The following PPP3CC variants were observed in gnomAD, a reference collection of about 807,000 sequenced individuals.
PPP3CC encodes the protein protein phosphatase 3 catalytic subunit gamma, also known as serine/threonine-protein phosphatase 2B catalytic subunit gamma isoform.
A neutral mutation model predicts 60.3 loss-of-function variants in PPP3CC; 35 were observed. The observed-to-expected ratio is 0.58, with a 90% CI of 0.44 to 0.77. PPP3CC has a LOEUF of 0.77. Ranked by LOEUF, PPP3CC falls within the 30% of genes least tolerant of loss-of-function variation. PPP3CC has a pLI of 0.00. For synonymous variants in PPP3CC, 206 were observed against 224.3 expected, an observed-to-expected ratio of 0.92 and a Z score of 0.73; for missense variants, 570 against 628.9, an observed-to-expected ratio of 0.91 and a Z score of 1.00.
At chr8:22,460,841 T>C (rs1181812554) in intron 1 of PPP3CC, among the ~76,000 whole-genome samples, 2 of 151,986 alleles carry the variant, frequency 1.3e-5, no homozygotes, top group Non-Finnish European at 2.9e-5. Context: ...AAAGAAAATC[T>C]TTACTTTATT....
Position 22,530,516 on chromosome 8 carries a change from T to C in PPP3CC, c.1142-1709T>C, listed in dbSNP as rs967095292. Among the ~76,000 whole-genome samples the C allele has an allele frequency of 1.6e-4, 19 of 120,206 alleles. No individual in the cohort carries two copies. In the South Asian group the frequency reaches 5.1e-3, roughly 33 times the overall value. 78.9% of individuals were successfully genotyped at this position (120,206 alleles called of 152,430 possible). A position where few individuals can be genotyped will look rare whatever the true frequency, so the allele number is the denominator to read the frequency against. ...TTCCCACCACAAACATAAAAATAAA[T>C]AAATAAATAAATAAATAAATAAAAA... is the stretch of plus-strand genomic sequence containing the variant. On this transcript the variant is annotated intron_variant, in intron 10 of 13. Coordinates refer to ENST00000240139, the MANE Select transcript of PPP3CC (RefSeq NM_005605.5).
chr8:22,530,996 A>G (rs1179574337), intron 10 of PPP3CC, among the ~76,000 whole-genome samples: 2 of 152,280 alleles, frequency 1.3e-5, no homozygotes, highest in East Asian at 3.9e-4. Flanking sequence ...TTCTGCAAAT[A>G]ATATCTTTGT....
chr8:22,540,770 A>C lies in PPP3CC; in HGVS notation c.1507A>C (p.Arg503=). Residue 503 remains arginine (R), a synonymous_variant, in exon 14 of 14, where the codon AGG becomes CGG. Transcript: ENST00000240139. ...CTCAGCACACTCACATGCTGCGCAC[A>C]GGAGCGACCAAGGGAAGAAAGCCCA... ...VTSAHSHAAH[R]SDQGKKAHS The C allele has an allele frequency of 6.2e-7, 1 of 1,613,356 alleles. No individual in the cohort carries two copies. The highest frequency in any genetic ancestry group is 8.5e-7 in the Non-Finnish European group (1 of 1,179,684).
At chr8:22,532,052 T>C (rs750897607) in intron 10 of PPP3CC, among the ~76,000 whole-genome samples, 173 bp from the exon 11 acceptor site, 12 of 152,264 alleles carry the variant, frequency 7.9e-5, no homozygotes, top group Non-Finnish European at 1.3e-4. Flanking sequence ...AGTCATTTTT[T>C]CTCTTGCTCC....
chr8:22,503,122 G>C (rs1185536682), intron 4 of PPP3CC, among the ~76,000 whole-genome samples: 1 of 152,096 alleles, frequency 6.6e-6, no homozygotes, highest in African/African-American at 2.4e-5. Flanking sequence ...AAATTACCCA[G>C]TTGGGGCCCA....
intron 12 of PPP3CC, among the ~76,000 whole-genome samples, chr8:22,537,254 G>T (rs557044429): frequency 2.0e-5 from 3 of 152,280 alleles, no homozygotes; most frequent in South Asian, 2.1e-4. Flanking sequence ...AATGGGTAAA[G>T]AATTGAATTG....
intron 11 of PPP3CC, 34 bp from the exon 12 acceptor site, chr8:22,532,886 CG>C: frequency 7.0e-7 from 1 of 1,434,126 alleles, no homozygotes; most frequent in South Asian, 1.3e-5. Flanking sequence ...GGAGAGTTCT[CG>C]GGCATTAACC....
At chr8:22,454,403 T>C (rs2122878) in intron 1 of PPP3CC, among the ~76,000 whole-genome samples, 81,429 of 152,020 alleles carry the variant, frequency 0.54, 22,554 homozygotes, top group East Asian at 0.69. Context: ...CATGGAATAC[T>C]TCCTGAAGGA....
At chr8:22,453,626 C>T (rs976271158) in intron 1 of PPP3CC, among the ~76,000 whole-genome samples, 4 of 152,066 alleles carry the variant, frequency 2.6e-5, no homozygotes, top group African/African-American at 9.7e-5. Context: ...CAGTTCAAAC[C>T]CATGTTGTTT....
chr8:22,507,972 G>A (rs1364451773), intron 4 of PPP3CC, among the ~76,000 whole-genome samples: 1 of 152,128 alleles, frequency 6.6e-6, no homozygotes, highest in East Asian at 1.9e-4. Flanking sequence ...TATAGGCCAG[G>A]TACAAGTGCA....
chr8:22,489,603 G>A (rs1314423403), intron 3 of PPP3CC, among the ~76,000 whole-genome samples: 3 of 136,792 alleles, frequency 2.2e-5, no homozygotes, highest in Admixed American at 7.9e-5. Context: ...ATATAATAGT[G>A]TATATAATAT....
At chr8:22,454,199 C>G (rs895451844) in intron 1 of PPP3CC, among the ~76,000 whole-genome samples, 4 of 152,084 alleles carry the variant, frequency 2.6e-5, no homozygotes, top group African/African-American at 9.7e-5. Context: ...TAAGCTTTTA[C>G]GATTTCAAAC....
At chr8:22,523,759 G>C in intron 8 of PPP3CC, 1 of 438,676 alleles carries the variant, frequency 2.3e-6, no homozygotes, top group Non-Finnish European at 4.6e-6. Context: ...TAAATAAGGT[G>C]AGTGATCAAG....
intron 4 of PPP3CC, among the ~76,000 whole-genome samples, chr8:22,499,417 G>A (rs1009126224): frequency 9.3e-5 from 14 of 150,182 alleles, no homozygotes; most frequent in African/African-American, 3.4e-4. Context: ...CCGCAGTCCG[G>A]CCTGGGCAAC....
chr8:22,505,389 G>A (rs992863313), intron 4 of PPP3CC, among the ~76,000 whole-genome samples: 2 of 151,980 alleles, frequency 1.3e-5, no homozygotes, highest in Non-Finnish European at 2.9e-5. Flanking sequence ...AGAAACTCCT[G>A]TAATTTTACT....
chr8:22,523,674 A>G (rs1043855233), intron 8 of PPP3CC: 16 of 454,696 alleles, frequency 3.5e-5, no homozygotes, highest in African/African-American at 1.6e-4. Context: ...ATTATCCTCA[A>G]TGATGGGAAA....
intron 3 of PPP3CC, among the ~76,000 whole-genome samples, chr8:22,490,448 T>C (rs1006575419): frequency 6.6e-5 from 10 of 152,094 alleles, no homozygotes; most frequent in Non-Finnish European, 4.4e-5. Context: ...CCACTTTTTT[T>C]ATATTTATAT....
chr8:22,539,344 C>T, intron 12 of PPP3CC, 125 bp from the exon 13 acceptor site: 1 of 790,140 alleles, frequency 1.3e-6, no homozygotes, highest in East Asian at 3.0e-5. Flanking sequence ...AGTTGACTTT[C>T]ATTATGGATG....
chr8:22,455,012 C>T (rs918287131), intron 1 of PPP3CC, among the ~76,000 whole-genome samples: 13 of 144,438 alleles, frequency 9.0e-5, no homozygotes, highest in East Asian at 8.2e-4. Flanking sequence ...GCCGAGATTG[C>T]GCCACTGCAC....
Sources: allele counts gnomAD v4.1 joint callset (sites outside exome capture counted in the v4.1 genomes callset), GRCh38; gene constraint gnomAD v4.1.1; transcripts MANE v1.5; gene names NCBI Gene and HGNC (gene_info 2026-07-23, HGNC 2026-07-21).